Variants in CACNA1C observed in about 807,000 individuals in gnomAD.
CACNA1C encodes the protein calcium voltage-gated channel subunit alpha1 C.
CACNA1C carries 30 observed loss-of-function variants against 229.0 expected under a neutral mutation model. That is an observed-to-expected ratio of 0.13 (90% CI 0.10 to 0.18). The LOEUF (loss-of-function observed/expected upper bound fraction) is 0.18, where lower values mean the gene tolerates loss of function less well. Among genes scored for constraint, CACNA1C ranks in the 10% least tolerant of loss-of-function variants. CACNA1C has a pLI of 1.00. For missense variants in CACNA1C, 1,658 were observed against 2,845.0 expected, an observed-to-expected ratio of 0.58 and a Z score of 9.49; for synonymous variants, 1,114 against 1,132.5, an observed-to-expected ratio of 0.98 and a Z score of 0.33.
chr12:2,638,794 A>G (rs1013164693), intron 30 of CACNA1C, among the ~76,000 whole-genome samples: 1 of 152,172 alleles, frequency 6.6e-6, no homozygotes, highest in Non-Finnish European at 1.5e-5. Flanking sequence ...GCAGGTAGGC[A>G]AGGAGGCGGG....
chr12:2,511,414 G>A (rs996999274), intron 8 of CACNA1C, among the ~76,000 whole-genome samples: 1 of 152,194 alleles, frequency 6.6e-6, no homozygotes, highest in Non-Finnish European at 1.5e-5. Context: ...ATGGTTTGTG[G>A]TGCTGTCCCT....
At chr12:2,305,575 A>C (rs1227182449) in intron 3 of CACNA1C, among the ~76,000 whole-genome samples, 1 of 152,180 alleles carries the variant, frequency 6.6e-6, no homozygotes, top group Non-Finnish European at 1.5e-5. Flanking sequence ...GCAGATGCAG[A>C]GGGTATGCCT....
At chr12:2,059,132 G>A (rs1179003920) in intron 1 of CACNA1C, among the ~76,000 whole-genome samples, 3 of 152,154 alleles carry the variant, frequency 2.0e-5, no homozygotes, top group African/African-American at 4.8e-5. Flanking sequence ...TGTGTGTACC[G>A]TGTGGGCAGG....
At chr12:2,660,236 G>T (rs2095638405) in intron 34 of CACNA1C, 1 of 152,302 alleles carries the variant, frequency 6.6e-6, no homozygotes, top group South Asian at 2.1e-4. Context: ...GAGTTGCATT[G>T]TGGGTGCCAG....
intron 1 of CACNA1C, chr12:2,018,141 C>T (rs1414676583): frequency 6.6e-6 from 1 of 152,208 alleles, no homozygotes; most frequent in Non-Finnish European, 1.5e-5. Context: ...TAAATACTCT[C>T]ACAATGACTT....
intron 7 of CACNA1C, among the ~76,000 whole-genome samples, chr12:2,501,209 CAAAAAAAAAA>C (rs59324696): frequency 6.4e-5 from 2 of 31,386 alleles, no homozygotes; most frequent in Non-Finnish European, 1.0e-4. Flanking sequence ...GACTCCACCT[CAAAAAAAAAA>C]AAAAAAAAAA....
intron 3 of CACNA1C, among the ~76,000 whole-genome samples, chr12:2,244,080 GC>G (rs1227996287): frequency 2.6e-5 from 4 of 152,230 alleles, no homozygotes; most frequent in African/African-American, 9.6e-5. Flanking sequence ...TCTCTGGAGA[GC>G]TCCCTTAAGC....
chr12:2,043,554 A>T (rs1275372496), intron 1 of CACNA1C, among the ~76,000 whole-genome samples: 1 of 152,042 alleles, frequency 6.6e-6, no homozygotes, highest in Non-Finnish European at 1.5e-5. Flanking sequence ...TTCATTCGTC[A>T]GGACTAGTCC....
At chr12:2,459,737 T>C (rs1025018576) in intron 5 of CACNA1C, among the ~76,000 whole-genome samples, 1 of 152,076 alleles carries the variant, frequency 6.6e-6, no homozygotes, top group African/African-American at 2.4e-5. Context: ...GAACATGACT[T>C]TAAGGAGCTT....
chr12:2,679,539 C>G lies in CACNA1C; in HGVS notation c.5187C>G (p.His1729Gln), dbSNP rs748975371. Residue 1729 changes from histidine to glutamine, a missense_variant, in exon 42 of 47, where the codon CAC becomes CAG. Physicochemically the swap from His to Gln is conservative, Grantham distance 24 (BLOSUM62 0). Transcript: ENST00000399655. This position sits in a 1 kb window ranked among gnomAD's most constrained non-coding sequence, Gnocchi z 5.5. ...PQTFTTQRPLHINKAGSSQGD... is the reference protein window; with the variant it reads ...PQTFTTQRPLQINKAGSSQGD... ...CCTTCACCACTCAGCGCCCGCTGCA[C>G]ATCAACAAGGCGGGCAGCAGCCAGG... is the stretch of plus-strand genomic sequence containing the variant. 5.0e-6 allele frequency: 8 copies of G among 1,613,270 alleles called. No homozygotes were observed. The South Asian group carries it at 8.8e-5, about 18-fold the overall frequency.
At chr12:2,255,756 G>C (rs996395476) in intron 3 of CACNA1C, among the ~76,000 whole-genome samples, 1 of 147,882 alleles carries the variant, frequency 6.8e-6, no homozygotes, top group South Asian at 2.2e-4. Flanking sequence ...CAATATGCTT[G>C]GCCCTACGGA....
chr12:2,396,780 A>G (rs1374703686), intron 3 of CACNA1C, among the ~76,000 whole-genome samples: 2 of 152,248 alleles, frequency 1.3e-5, no homozygotes, highest in African/African-American at 4.8e-5. Context: ...TTCTAAAGGC[A>G]TGGGGCCAAG....
At position 2,512,403 on chromosome 12, in the gene CACNA1C, A is replaced by G. The variant is rs957434167; in HGVS notation, c.1218-409A>G. ...TTGGGAGAATTTTAAACTACCACTC[A>G]ATACTGGGTGGGATGGAAATGCATG... On this transcript the variant is annotated intron_variant, in intron 8 of 46. Transcript: ENST00000399655. This position sits in a 1 kb window ranked among gnomAD's most constrained non-coding sequence, Gnocchi z 4.3. Among the ~76,000 whole-genome samples the G allele has an allele frequency of 3.3e-5, 5 of 152,106 alleles. No individual in the cohort carries two copies. Among genetic ancestry groups the G allele is most frequent in the Admixed American group, 2.0e-4 (3 of 15,264 alleles).
intron 3 of CACNA1C, among the ~76,000 whole-genome samples, chr12:2,328,347 G>A (rs57765196): frequency 0.12 from 18,041 of 152,166 alleles, 2,862 homozygotes; most frequent in African/African-American, 0.36. Flanking sequence ...AGTTCCTGGG[G>A]TGCTGTGATA....
At chr12:2,236,379 T>C (rs2154368665) in intron 3 of CACNA1C, among the ~76,000 whole-genome samples, 1 of 152,344 alleles carries the variant, frequency 6.6e-6, no homozygotes, top group Non-Finnish European at 1.5e-5. Context: ...CACTGTCAGA[T>C]TGGAGTTAAC....
At chr12:2,414,211 G>A (rs1330793872) in intron 3 of CACNA1C, among the ~76,000 whole-genome samples, 8 of 152,198 alleles carry the variant, frequency 5.3e-5, no homozygotes, top group Admixed American at 5.2e-4. Flanking sequence ...TTTACTGTCT[G>A]CACATGGCAC....
chr12:2,344,296 A>C (rs550795648), intron 3 of CACNA1C, among the ~76,000 whole-genome samples: 6 of 152,286 alleles, frequency 3.9e-5, no homozygotes, highest in African/African-American at 1.4e-4. Flanking sequence ...GGAATGATGT[A>C]GCAAAGAAAG....
intron 18 of CACNA1C, among the ~76,000 whole-genome samples, chr12:2,589,528 C>T (rs2064158174): frequency 1.3e-5 from 2 of 152,198 alleles, no homozygotes; most frequent in African/African-American, 4.8e-5. Flanking sequence ...GCAGAGAGAA[C>T]CAAGGGATAG....
chr12:2,027,920 G>C (rs530067780), intron 1 of CACNA1C, among the ~76,000 whole-genome samples: 7 of 152,316 alleles, frequency 4.6e-5, no homozygotes, highest in African/African-American at 1.7e-4. Flanking sequence ...CCCAAGAGGG[G>C]CCCACTGGGC....
Sources: allele counts gnomAD v4.1 joint callset (sites outside exome capture counted in the v4.1 genomes callset), GRCh38; gene constraint gnomAD v4.1.1; non-coding constraint Gnocchi (gnomAD v3.1); transcripts MANE v1.5; gene names NCBI Gene and HGNC (gene_info 2026-07-23, HGNC 2026-07-21).